The following TMEM80 variants were observed in gnomAD, a reference collection of about 807,000 sequenced individuals.
TMEM80 encodes the protein transmembrane protein 80.
In TMEM80, 16 loss-of-function variants were observed where a neutral mutation model predicts 13.6. The ratio of observed to expected loss-of-function variants is 1.17; its 90% confidence interval spans 0.79 to 1.78. TMEM80 has a LOEUF of 1.78. TMEM80 is among the 40% of genes most tolerant of loss of function. The pLI is 0.00. For missense variants in TMEM80, 167 were observed against 184.6 expected (o/e 0.90, Z 0.55); for synonymous variants, 92 against 89.5 (o/e 1.03, Z -0.16).
At position 700,637 on chromosome 11, in the gene TMEM80, C is replaced by T. The variant is rs1861409209; in HGVS notation, c.156C>T (p.His52=). 1 of 1,614,072 alleles carries T rather than the reference C, an allele frequency of 6.2e-7. No homozygotes were observed. The highest frequency in any genetic ancestry group is 8.5e-7 in the Non-Finnish European group (1 of 1,180,026). The part of the protein sequence containing the change: ...TYKSQVFSYP[H]RYLVLDLALL... The stretch of plus-strand genomic sequence containing the variant: ...CAGGTCAGGTGTTCAGCTATCCTCA[C>T]CGCTACCTGGTCCTCGATCTTGCTC... Residue 52 remains histidine, a synonymous_variant, in exon 4 of 5, where the codon CAC becomes CAT. Coordinates refer to ENST00000397510, the MANE Select transcript of TMEM80 (RefSeq NM_001042463.3).
intron 1 of TMEM80, 47 bp from the exon 2 acceptor site, chr11:698,822 C>T (rs1250640536): frequency 6.2e-7 from 1 of 1,612,786 alleles, no homozygotes; most frequent in South Asian, 1.1e-5. Context: ...CCCGGGAAAG[C>T]ATCCTGGTGG....
Position 703,299 on chromosome 11 carries a change from G to A in TMEM80, c.*149G>A. The A allele has an allele frequency of 7.0e-7, 1 of 1,427,386 alleles. No homozygotes were observed. The highest frequency in any genetic ancestry group is 9.2e-7 in the Non-Finnish European group (1 of 1,087,402). The allele number at this position is 1,427,386 out of a possible 1,614,324, so 88.4% of individuals were successfully genotyped here. A position where few individuals can be genotyped will look rare whatever the true frequency, so the allele number is the denominator to read the frequency against. On this transcript the variant is annotated 3_prime_UTR_variant, in exon 5 of 5. Coordinates refer to ENST00000397510, the MANE Select transcript of TMEM80 (RefSeq NM_001042463.3). ...TTGGATGGTTCCATCTGTTCTGGCA[G>A]GAGTGGGAGCAGGAGCCAGGGCAGA...
chr11:699,374 A>C (rs1267254840), intron 2 of TMEM80: 2 of 165,752 alleles, frequency 1.2e-5, no homozygotes, highest in Non-Finnish European at 2.6e-5. Flanking sequence ...AGCATAAACA[A>C]ATAGGAAATG....
chr11:703,129 C>T lies in TMEM80; in HGVS notation c.411C>T (p.Ala137=), dbSNP rs1373962249. The T allele has an allele frequency of 1.2e-6, 2 of 1,608,662 alleles. No homozygotes were observed. The highest frequency in any genetic ancestry group is 2.7e-5 in the African/African-American group (2 of 74,888). ...TGGAGGCCGTCCTGCAGGTGGTTGC[C>T]ATCGCGGCCTTCACCAGGTAGCTAC... ...HGLEAVLQVV[A]IAAFTR The change falls in exon 5 of 5, where the codon GCC becomes GCT. Residue 137 remains alanine, a synonymous_variant. Coordinates refer to ENST00000397510, the MANE Select transcript of TMEM80 (RefSeq NM_001042463.3).
intron 1 of TMEM80, among the ~76,000 whole-genome samples, chr11:698,185 G>A (rs1433935754): frequency 6.6e-6 from 1 of 152,156 alleles, no homozygotes; most frequent in Non-Finnish European, 1.5e-5. Context: ...CAGACAATTA[G>A]TCCGCTCCAG....
intron 4 of TMEM80, among the ~76,000 whole-genome samples, chr11:701,497 G>A (rs11246270): frequency 0.89 from 131,188 of 147,590 alleles, 58,460 homozygotes; most frequent in East Asian, 1. Context: ...TGCAAGCTCC[G>A]CCTCCCGGGT....
intron 4 of TMEM80, among the ~76,000 whole-genome samples, chr11:701,559 C>T (rs543672365): frequency 2.8e-4 from 43 of 151,692 alleles, no homozygotes; most frequent in South Asian, 8.4e-4. Context: ...TACAGGTGCC[C>T]GCCACCACGC....
At chr11:704,344 G>C (rs897733162), downstream of TMEM80, 5 of 886,130 alleles carry the variant, frequency 5.6e-6, no homozygotes, top group African/African-American at 8.6e-5. Context: ...GGCTGTGGCT[G>C]TGGCACCTGG....
At chr11:702,830 G>C (rs1461026880) in intron 4 of TMEM80, 115 bp from the exon 5 acceptor site, 7 of 1,027,238 alleles carry the variant, frequency 6.8e-6, no homozygotes, top group African/African-American at 3.2e-5. Flanking sequence ...CCAGGCCCCG[G>C]AGGAACGTAG....
intron 1 of TMEM80, among the ~76,000 whole-genome samples, chr11:697,179 A>G (rs1590032499): frequency 6.6e-6 from 1 of 151,758 alleles, no homozygotes; most frequent in African/African-American, 2.4e-5. Context: ...ACTGGAGCCC[A>G]GGAGGTTGAG....
At chr11:700,868 G>A (rs1861423942) in intron 4 of TMEM80, 161 bp downstream of exon 4, 7 of 694,126 alleles carry the variant, frequency 1.0e-5, no homozygotes, top group South Asian at 8.4e-5. Context: ...GTGTCATTAA[G>A]TATTAATCAA....
chr11:704,607 C>T (rs762273635), downstream of TMEM80: 4 of 1,289,118 alleles, frequency 3.1e-6, no homozygotes, highest in Non-Finnish European at 4.0e-6. Context: ...AGGGAAGGAC[C>T]CCCTCCCTGA....
chr11:700,583 A>G (rs1359107849), intron 3 of TMEM80, 32 bp from the exon 4 acceptor site: 2 of 1,559,462 alleles, frequency 1.3e-6, no homozygotes, highest in South Asian at 2.2e-5. Flanking sequence ...GTGCCAGGTT[A>G]CTTATGTTCC....
chr11:702,735 C>A (rs963505676), intron 4 of TMEM80, among the ~76,000 whole-genome samples: 7 of 152,260 alleles, frequency 4.6e-5, no homozygotes, highest in Non-Finnish European at 7.3e-5. Flanking sequence ...GCACCTCCCC[C>A]AGGAGGGGCT....
At chr11:700,802 C>G (rs929662240) in intron 4 of TMEM80, 95 bp downstream of exon 4, 13 of 1,208,428 alleles carry the variant, frequency 1.1e-5, no homozygotes, top group Admixed American at 1.7e-5. Context: ...GTGTGGTTCT[C>G]AGAGACATTT....
intron 2 of TMEM80, 200 bp downstream of exon 2, chr11:699,088 C>T: frequency 1.6e-6 from 1 of 625,168 alleles, no homozygotes; most frequent in Non-Finnish European, 2.8e-6. Context: ...CCTACCTGCT[C>T]AGCCCTGCAC....
chr11:702,918 T>C (rs1023756563), intron 4 of TMEM80, 27 bp from the exon 5 acceptor site: 3 of 1,554,026 alleles, frequency 1.9e-6, no homozygotes, highest in Non-Finnish European at 2.6e-6. Context: ...TCGCACCACC[T>C]TCCCTCCCCT....
intron 3 of TMEM80, 48 bp downstream of exon 3, chr11:700,283 T>A (rs1158898703): frequency 1.3e-6 from 2 of 1,547,856 alleles, no homozygotes; most frequent in African/African-American, 1.4e-5. Context: ...TCCCAACATT[T>A]TGGGAGGCTG....
chr11:704,582 C>T (rs918569023), downstream of TMEM80: 24 of 1,281,728 alleles, frequency 1.9e-5, no homozygotes, highest in African/African-American at 7.6e-5. Flanking sequence ...ACCCAGCCCA[C>T]AAACCATGCA....
Sources: gnomAD v4.1 joint callset for allele counts (sites outside exome capture counted in the v4.1 genomes callset) on GRCh38, gnomAD v4.1.1 for gene constraint, MANE v1.5 for transcripts, NCBI Gene and HGNC (gene_info 2026-07-23, HGNC 2026-07-21) for gene names.